The following SGIP1 variants were observed in gnomAD, a reference collection of about 807,000 sequenced individuals.
SGIP1 encodes the protein SH3-containing GRB2-like protein 3-interacting protein 1.
In SGIP1, 38 loss-of-function variants were observed where a neutral mutation model predicts 107.5. That is an observed-to-expected ratio of 0.35 (90% confidence interval 0.27 to 0.46). The LOEUF (loss-of-function observed/expected upper bound fraction) is 0.46. Ranked by LOEUF, SGIP1 falls within the 20% of genes least tolerant of loss-of-function variation. SGIP1 has a pLI of 1.00. For synonymous variants in SGIP1, 365 were observed against 366.1 expected, an observed-to-expected ratio of 1.00 and a Z score of 0.03; for missense variants, 929 against 1,019.5, an observed-to-expected ratio of 0.91 and a Z score of 1.21.
At chr1:66,678,023 G>A (rs566728007) in intron 13 of SGIP1, among the ~76,000 whole-genome samples, 7 of 152,320 alleles carry the variant, frequency 4.6e-5, no homozygotes, top group East Asian at 3.9e-4. Context: ...CTATAAAGCC[G>A]TGTGATCTAG....
chr1:66,645,915 AC>A (rs2077572447), intron 7 of SGIP1, among the ~76,000 whole-genome samples: 1 of 152,112 alleles, frequency 6.6e-6, no homozygotes, highest in Non-Finnish European at 1.5e-5. Context: ...ATGTCGGCTG[AC>A]TGCAACCTCC....
chr1:66,563,818 T>TA (rs1358388560), intron 1 of SGIP1, among the ~76,000 whole-genome samples: 2 of 151,912 alleles, frequency 1.3e-5, no homozygotes, highest in Admixed American at 1.3e-4. Flanking sequence ...TCATTTGAAA[T>TA]ACTTGACTTA....
chr1:66,715,962 G>T (rs948242160), intron 18 of SGIP1, among the ~76,000 whole-genome samples: 1 of 152,046 alleles, frequency 6.6e-6, no homozygotes, highest in Non-Finnish European at 1.5e-5. Context: ...TCATTACTGA[G>T]TGCTTACTAT....
chr1:66,698,600 G>C (rs370892020), intron 18 of SGIP1, among the ~76,000 whole-genome samples: 1 of 151,924 alleles, frequency 6.6e-6, no homozygotes, highest in South Asian at 2.1e-4. Context: ...GGATGGTCTC[G>C]ATCTCCTGAT....
intron 16 of SGIP1, among the ~76,000 whole-genome samples, chr1:66,689,516 G>T (rs1172213672): frequency 2.6e-5 from 4 of 152,150 alleles, no homozygotes; most frequent in African/African-American, 9.7e-5. Context: ...TGCTACAGTG[G>T]GTTAGATACA....
At chr1:66,631,675 CTCTCTT>C (rs1357168945) in intron 2 of SGIP1, among the ~76,000 whole-genome samples, 24 of 128,976 alleles carry the variant, frequency 1.9e-4, no homozygotes, top group African/African-American at 4.3e-4. Flanking sequence ...CTTTCTCTCT[CTCTCTT>C]TCTCTCTCTC....
rs2094539920 is a variant in SGIP1 at position 66,745,472 on chromosome 1, T to G, written c.*2377T>G. The G allele has an allele frequency of 1.3e-5, 2 of 152,126 alleles. No homozygotes were observed. The highest frequency in any genetic ancestry group is 6.5e-5 in the Admixed American group (1 of 15,272). The allele number at this position is 152,126 out of a possible 1,614,324, so 9.4% of individuals were successfully genotyped here. ...ATTTTGACATTTTGTTGTTTCTTTT[T>G]AATTTTGTAGATTATAATCTCCTGT... On this transcript the variant is annotated 3_prime_UTR_variant, in exon 25 of 25. Coordinates refer to ENST00000371037, the MANE Select transcript of SGIP1 (RefSeq NM_032291.4).
intron 7 of SGIP1, among the ~76,000 whole-genome samples, chr1:66,645,336 G>A (rs756726641): frequency 2.1e-4 from 32 of 152,282 alleles, no homozygotes; most frequent in Non-Finnish European, 2.6e-4. Flanking sequence ...TAAGTTTTCT[G>A]GTAGCTATTC....
In SGIP1 at chr1:66,743,255, AC is replaced by A; in HGVS notation, c.*162del. The A allele has an allele frequency of 1.6e-6, 1 of 621,856 alleles. No individual in the cohort carries two copies. The highest frequency in any genetic ancestry group is 2.8e-6 in the Non-Finnish European group (1 of 351,594). The allele number at this position is 621,856 out of a possible 1,614,324, so 38.5% of individuals were successfully genotyped here. A position where few individuals can be genotyped will look rare whatever the true frequency, so the allele number is the denominator to read the frequency against. ...TCATCTGTGATTTCCCTCACACACTACCATGATGACCAGTCCTACAGTATTT... is the reference window on the plus strand; with the variant it reads ...TCATCTGTGATTTCCCTCACACACTACATGATGACCAGTCCTACAGTATTT... On this transcript the variant is annotated 3_prime_UTR_variant, in exon 25 of 25. Transcript: ENST00000371037.
At chr1:66,667,346 C>T (rs2082802831) in intron 8 of SGIP1, among the ~76,000 whole-genome samples, 184 bp from the exon 9 acceptor site, 2 of 152,232 alleles carry the variant, frequency 1.3e-5, no homozygotes, top group African/African-American at 2.4e-5. Flanking sequence ...CTTTAAGGTT[C>T]TCCAAAGCCT....
intron 1 of SGIP1, among the ~76,000 whole-genome samples, chr1:66,547,600 A>C (rs2056644446): frequency 6.6e-6 from 1 of 152,154 alleles, no homozygotes; most frequent in South Asian, 2.1e-4. Context: ...TAACTAAGAC[A>C]CATAGGAAGT....
chr1:66,674,615 T>C (rs2084745818), intron 12 of SGIP1, among the ~76,000 whole-genome samples: 1 of 152,216 alleles, frequency 6.6e-6, no homozygotes, highest in African/African-American at 2.4e-5. Context: ...TATTACTCTT[T>C]CAGGTTAACT....
chr1:66,624,081 C>T (rs4655641), intron 1 of SGIP1, among the ~76,000 whole-genome samples: 22,570 of 152,146 alleles, frequency 0.15, 2,200 homozygotes, highest in East Asian at 0.46. Flanking sequence ...GGTCAAGTTA[C>T]AGGAAGTAAA....
intron 7 of SGIP1, among the ~76,000 whole-genome samples, chr1:66,645,323 G>C (rs986097165): frequency 6.6e-6 from 1 of 152,186 alleles, no homozygotes; most frequent in Non-Finnish European, 1.5e-5. Context: ...GAATATGTAT[G>C]CCTAAGTTTT....
At chr1:66,669,662 T>A (rs1376722282) in intron 9 of SGIP1, among the ~76,000 whole-genome samples, 2 of 152,216 alleles carry the variant, frequency 1.3e-5, no homozygotes, top group Non-Finnish European at 2.9e-5. Context: ...TGGCCATATT[T>A]ATTAGAAAGT....
intron 1 of SGIP1, among the ~76,000 whole-genome samples, chr1:66,555,026 C>T (rs535043826): frequency 1.2e-4 from 19 of 152,248 alleles, no homozygotes; most frequent in African/African-American, 4.3e-4. Flanking sequence ...TCTCCTTTAT[C>T]TCATAAGTTC....
At chr1:66,721,102 C>T in intron 19 of SGIP1, among the ~76,000 whole-genome samples, 1 of 152,126 alleles carries the variant, frequency 6.6e-6, no homozygotes, top group East Asian at 1.9e-4. Flanking sequence ...CCTGGATTTT[C>T]CACGTCTTTT....
intron 1 of SGIP1, among the ~76,000 whole-genome samples, chr1:66,617,989 G>A (rs1328901359): frequency 6.6e-6 from 1 of 152,114 alleles, no homozygotes; most frequent in Non-Finnish European, 1.5e-5. Flanking sequence ...TCACCTGTGT[G>A]ACCTGGCATC....
chr1:66,735,616 C>A (rs1418230033), intron 21 of SGIP1, among the ~76,000 whole-genome samples: 1 of 18,862 alleles, frequency 5.3e-5, no homozygotes, highest in Admixed American at 3.4e-4. Flanking sequence ...GTCAGGAGAT[C>A]GAGACCATCC....
Sources: allele counts gnomAD v4.1 joint callset (sites outside exome capture counted in the v4.1 genomes callset), GRCh38; gene constraint gnomAD v4.1.1; transcripts MANE v1.5; gene names NCBI Gene and HGNC (gene_info 2026-07-23, HGNC 2026-07-21).